OR9I1: variants seen among roughly 807,000 people sequenced by gnomAD.
OR9I1 encodes the protein olfactory receptor 9I1.
In OR9I1, 7 loss-of-function variants were observed where a neutral mutation model predicts 11.2. The observed-to-expected ratio is 0.62, with a 90% CI of 0.36 to 1.17. OR9I1 has a LOEUF of 1.17. OR9I1 is among the 50% of genes most tolerant of loss of function. The pLI is 0.02. For synonymous variants in OR9I1, 165 were observed against 153.4 expected (o/e 1.08, Z -0.56); for missense variants, 428 against 377.2 (o/e 1.13, Z -1.12).
At chr11:58,120,422 A>G (rs1307848569) in intron 2 of OR9I1, among the ~76,000 whole-genome samples, 1 of 152,092 alleles carries the variant, frequency 6.6e-6, no homozygotes, top group Admixed American at 6.6e-5. Flanking sequence ...AAGGAAAAGA[A>G]AATTTATTAT....
chr11:58,120,529 T>C (rs1854018768), intron 2 of OR9I1, among the ~76,000 whole-genome samples: 1 of 151,954 alleles, frequency 6.6e-6, no homozygotes, highest in Non-Finnish European at 1.5e-5. Context: ...TAGTGGTGAT[T>C]TGTGAGATTT....
chr11:58,122,138 T>G (rs1038972256), intron 2 of OR9I1, among the ~76,000 whole-genome samples: 7 of 152,152 alleles, frequency 4.6e-5, no homozygotes, highest in South Asian at 2.1e-4. Flanking sequence ...ATTCACTACA[T>G]GGGTAGAGAG....
At position 58,118,979 on chromosome 11, in the gene OR9I1, C is replaced by A; in HGVS notation, c.466G>T (p.Ala156Ser). Reference protein sequence around the residue: ...VGAYVCGVSGAILRTTCTFTL... With the variant: ...VGAYVCGVSGSILRTTCTFTL... ...AAGGTGCAAGTGGTACGCAGGATGG[C>A]TCCTGACACCCCACAGACATAGGCT... Residue 156 changes from alanine to serine, a missense_variant, in exon 3 of 3, where the codon GCC (alanine) becomes TCC (serine). Physicochemically the swap from Ala to Ser is moderately conservative, Grantham distance 99 (BLOSUM62 1). Transcript: ENST00000641439. The A allele has an allele frequency of 6.2e-7, 1 of 1,613,888 alleles. No homozygotes were observed. Among genetic ancestry groups the A allele is most frequent in the Non-Finnish European group, 8.5e-7 (1 of 1,179,970 alleles).
chr11:58,122,132 AC>A (rs1478427892), intron 2 of OR9I1, among the ~76,000 whole-genome samples: 1 of 152,124 alleles, frequency 6.6e-6, no homozygotes, highest in African/African-American at 2.4e-5. Flanking sequence ...TGCTTTATTC[AC>A]TACATGGGTA....
rs1283257556 is a variant in OR9I1 at position 58,117,073 on chromosome 11, G to C, written c.*1427C>G. The C allele has an allele frequency of 6.6e-6, 1 of 152,112 alleles. No individual in the cohort carries two copies. The highest frequency in any genetic ancestry group is 1.5e-5 in the Non-Finnish European group (1 of 68,018). 9.4% of individuals were successfully genotyped at this position (152,112 alleles called of 1,614,324 possible). ...TCATCATTGGTTGGTGATCTATTTT[G>C]CTTTTGTCAGTGGCCATTAAATTCT... On this transcript the variant is annotated 3_prime_UTR_variant, in exon 3 of 3. Transcript: ENST00000641439.
intron 2 of OR9I1, among the ~76,000 whole-genome samples, chr11:58,121,932 CAG>C (rs542118928): frequency 6.6e-6 from 1 of 152,264 alleles, no homozygotes; most frequent in South Asian, 2.1e-4. Flanking sequence ...AGACAACTGA[CAG>C]AGGTTAATGA....
rs1853999443 is a variant in OR9I1, at chr11:58,119,283, T to A, written c.162A>T (p.Lys54Asn). 1.1e-5 allele frequency: 18 copies of A among 1,613,730 alleles called. No homozygotes were observed. Among genetic ancestry groups the A allele is most frequent in the Non-Finnish European group, 1.5e-5 (18 of 1,179,858 alleles). Residue 54 changes from lysine to asparagine, a missense_variant, in exon 3 of 3, where the codon AAA becomes AAT. Physicochemically the swap from Lys to Asn is moderately conservative, Grantham distance 94. Transcript: ENST00000641439. ...GMIMLIQVDV[K>N]LYTPMYFFLS... ...GGAAGAAGTACATTGGGGTGTAGAG[T>A]TTGACATCTACTTGGATTAACATAA...
In OR9I1 at chr11:58,118,759, T is replaced by G. The variant is rs777147680; in HGVS notation, c.686A>C (p.Lys229Thr). Residue 229 changes from lysine (K) to threonine (T), a missense_variant, in exon 3 of 3, where the codon AAG (lysine) becomes ACG (threonine). By Grantham distance (78) the Lys-to-Thr change is moderately conservative. Coordinates refer to ENST00000641439, the MANE Select transcript of OR9I1 (RefSeq NM_001005211.2). ...AGTCTTGGCCCTGCCACCTGAAGAC[T>G]TCACTTTCAAAATGGTCTTGATGAT... ...LLIIKTILKV[K>T]SSGGRAKTFS... The G allele has an allele frequency of 1.2e-6, 2 of 1,614,110 alleles. No homozygotes were observed. Among genetic ancestry groups the G allele is most frequent in the Non-Finnish European group, 1.7e-6 (2 of 1,179,994 alleles).
At chr11:58,125,030 C>G (rs993711939) in intron 1 of OR9I1, among the ~76,000 whole-genome samples, 1 of 152,184 alleles carries the variant, frequency 6.6e-6, no homozygotes, top group Non-Finnish European at 1.5e-5. Context: ...CCAGGTCTGT[C>G]TTATTCCAAA....
intron 1 of OR9I1, 25 bp downstream of exon 1, chr11:58,125,249 C>CCCCCA (rs141493207): frequency 3.7e-5 from 3 of 81,210 alleles, no homozygotes; most frequent in Admixed American, 1.6e-4. Context: ...GCCCCCCCCC[C>CCCCCA]AAAAAAAAGC....
chr11:58,123,723 T>A (rs1854059310), intron 2 of OR9I1, among the ~76,000 whole-genome samples: 1 of 152,188 alleles, frequency 6.6e-6, no homozygotes, highest in Non-Finnish European at 1.5e-5. Flanking sequence ...CATCTTATCA[T>A]GTTCTCTTTT....
At chr11:58,120,488 C>G (rs1043262314) in intron 2 of OR9I1, among the ~76,000 whole-genome samples, 2 of 151,562 alleles carry the variant, frequency 1.3e-5, no homozygotes, top group Non-Finnish European at 2.9e-5. Flanking sequence ...TTTTGGGGAA[C>G]AGTTGATATT....
At chr11:58,124,246 C>T (rs181210601) in intron 2 of OR9I1, among the ~76,000 whole-genome samples, 192 bp downstream of exon 2, 15 of 152,154 alleles carry the variant, frequency 9.9e-5, no homozygotes, top group East Asian at 5.8e-4. Flanking sequence ...GGGAAAGCAA[C>T]GGTTTATGGC....
In OR9I1 at chr11:58,122,739, T is replaced by C. The variant is rs147742652; in HGVS notation, c.-23+1699A>G. Among the ~76,000 whole-genome samples, 28 of 151,824 alleles carry C rather than the reference T, an allele frequency of 1.8e-4. No individual in the cohort carries two copies. In the East Asian group the frequency reaches 5.4e-3, roughly 29 times the overall value. On this transcript the variant is annotated intron_variant, in intron 2 of 2. Transcript: ENST00000641439. ...ATTATTTTTGTTAGTCCTGCCTCAT[T>C]CTTACTCCTTCCCCTGTTCCTCTTA...
chr11:58,122,962 GTTTTT>G (rs57528065), intron 2 of OR9I1, among the ~76,000 whole-genome samples: 1 of 144,922 alleles, frequency 6.9e-6, no homozygotes, highest in Non-Finnish European at 1.5e-5. Flanking sequence ...GGTAAATTTT[GTTTTT>G]TTTTTCGGAT....
chr11:58,119,120 C>T lies in OR9I1; in HGVS notation c.325G>A (p.Gly109Ser), dbSNP rs765677417. 13 of 1,613,780 alleles carry T rather than the reference C, an allele frequency of 8.1e-6. No homozygotes were observed. Among genetic ancestry groups the T allele is most frequent in the South Asian group, 6.6e-5 (6 of 91,078 alleles). ...AQFFLFTICA[G>S]TECFLLAVMA... ...ACTGCCAGCAGAAAGCACTCTGTGC[C>T]TGCACAGATGGTGAATAAAAAGAAC... The change falls in exon 3 of 3, where the codon GGC becomes AGC. Residue 109 changes from glycine to serine, a missense_variant. Transcript: ENST00000641439.
rs184603138 is a variant in OR9I1 at position 58,118,196 on chromosome 11, T to C, written c.*304A>G. 9.9e-5 allele frequency: 22 copies of C among 222,468 alleles called. No individual in the cohort carries two copies. The Admixed American group carries it at 1.2e-3, about 12-fold the overall frequency. 13.8% of individuals were successfully genotyped at this position (222,468 alleles called of 1,614,324 possible). A position where few individuals can be genotyped will look rare whatever the true frequency, so the allele number is the denominator to read the frequency against. On this transcript the variant is annotated 3_prime_UTR_variant, in exon 3 of 3. Coordinates refer to ENST00000641439, the MANE Select transcript of OR9I1 (RefSeq NM_001005211.2). ...AGGCATGAGTTGAGAGAGTATTGGG[T>C]TGGAATGAAATAAACTCAAGACTCC...
Position 58,119,322 on chromosome 11 carries a change from C to T in OR9I1, c.123G>A (p.Gly41=), listed in dbSNP as rs938165792. 3 of 1,613,690 alleles carry T rather than the reference C, an allele frequency of 1.9e-6. No individual in the cohort carries two copies. Among genetic ancestry groups the T allele is most frequent in the Non-Finnish European group, 2.5e-6 (3 of 1,179,854 alleles). Residue 41 remains glycine, a synonymous_variant, in exon 3 of 3, where the codon GGG becomes GGA. Coordinates refer to ENST00000641439, the MANE Select transcript of OR9I1 (RefSeq NM_001005211.2). ...GGATTAACATAATCATCCCCACATT[C>T]CCAAGAAGGGTGACTAGGTAGAAAC... ...FLSFYLVTLL[G]NVGMIMLIQV... is the part of the protein sequence containing the mutation.
rs769905733 is a variant in OR9I1, at chr11:58,118,769, A to T, written c.676T>A (p.Leu226Met). 2 of 1,614,108 alleles carry T rather than the reference A, an allele frequency of 1.2e-6. No homozygotes were observed. The highest frequency in any genetic ancestry group is 1.3e-5 in the African/African-American group (1 of 75,070). ...ISYLLIIKTI[L>M]KVKSSGGRAK... ...CTGCCACCTGAAGACTTCACTTTCA[A>T]AATGGTCTTGATGATGAGCAGATAG... The change falls in exon 3 of 3, where the codon TTG becomes ATG. Residue 226 changes from leucine (L) to methionine (M), a missense_variant. Physicochemically the swap from Leu to Met is conservative, Grantham distance 15 (BLOSUM62 2). Transcript: ENST00000641439.
Sources: allele counts gnomAD v4.1 joint callset (sites outside exome capture counted in the v4.1 genomes callset), GRCh38; gene constraint gnomAD v4.1.1; transcripts MANE v1.5; gene names NCBI Gene and HGNC (gene_info 2026-07-23, HGNC 2026-07-21).